GTF3C1: variants seen among roughly 807,000 people sequenced by gnomAD.
GTF3C1 encodes general transcription factor IIIC subunit 1.
In GTF3C1, 57 loss-of-function variants were observed where a neutral mutation model predicts 226.7. The ratio of observed to expected loss-of-function variants is 0.25; its 90% confidence interval spans 0.20 to 0.31. The LOEUF (loss-of-function observed/expected upper bound fraction) is 0.31, where lower values mean the gene tolerates loss of function less well. GTF3C1 is among the 10% of genes least tolerant of loss of function. GTF3C1 has a pLI of 1.00. For missense variants in GTF3C1, 2,217 were observed against 2,776.1 expected (o/e 0.80, Z 4.53); for synonymous variants, 1,090 against 1,084.8 (o/e 1.00, Z -0.09).
At chr16:27,503,124 G>A (rs904252964) in intron 10 of GTF3C1, 129 bp from the exon 11 acceptor site, 2 of 649,830 alleles carry the variant, frequency 3.1e-6, no homozygotes, top group Non-Finnish European at 5.4e-6. Context: ...GGGAAGCCAA[G>A]AAGCCTGTTC....
At position 27,467,845 on chromosome 16, in the gene GTF3C1, G is replaced by A. The variant is rs138444027; in HGVS notation, c.5074+1446C>T. On this transcript the variant is annotated intron_variant, in intron 32 of 36. Coordinates refer to ENST00000356183, the MANE Select transcript of GTF3C1 (RefSeq NM_001520.4). ...AGATCATGCCGCCGCACTCCAGTCC[G>A]GGCGACAAGAGTGAAACTCTGTCTC... Among the ~76,000 whole-genome samples, 683 of 152,220 alleles carry A rather than the reference G, an allele frequency of 4.5e-3. 3 individuals carry two copies. The highest frequency in any genetic ancestry group is 7.6e-3 in the Non-Finnish European group (517 of 68,008).
rs544943437 is a variant in GTF3C1 at position 27,488,481 on chromosome 16, G to A, written c.3512-66C>T. ...CTGCAAAGGCCAGGAAGACCAAACC[G>A]AACATAGGGTAGTCGTTTAGGCCCT... On this transcript the variant is annotated intron_variant, in intron 22 of 36. Coordinates refer to ENST00000356183, the MANE Select transcript of GTF3C1 (RefSeq NM_001520.4). The A allele has an allele frequency of 9.0e-6, 14 of 1,549,788 alleles. No homozygotes were observed. In the East Asian group the frequency reaches 2.0e-4, roughly 22 times the overall value.
chr16:27,495,737 T>G (rs1474722033), intron 14 of GTF3C1, among the ~76,000 whole-genome samples: 4 of 152,134 alleles, frequency 2.6e-5, no homozygotes, highest in African/African-American at 9.7e-5. Flanking sequence ...GGGCTGCAAT[T>G]CTACAAAAGG....
Position 27,470,786 on chromosome 16 carries a change from C to T in GTF3C1, c.4527-391G>A, listed in dbSNP as rs2087855837. The T allele has an allele frequency of 4.7e-6, 1 of 213,648 alleles. No homozygotes were observed. Among genetic ancestry groups the T allele is most frequent in the African/African-American group, 2.3e-5 (1 of 43,646 alleles). 13.2% of individuals were successfully genotyped at this position (213,648 alleles called of 1,614,324 possible). ...GCCAGCCCTGGTCTTACACATGTGCCCAAGCTGTCTCCACGCAGTGCCTGG... is the reference window on the plus strand; with the variant it reads ...GCCAGCCCTGGTCTTACACATGTGCTCAAGCTGTCTCCACGCAGTGCCTGG... On this transcript the variant is annotated intron_variant, in intron 30 of 36. Transcript: ENST00000356183. The surrounding 1 kb of genome is among the most constrained non-coding windows in gnomAD (Gnocchi z 4.9).
At chr16:27,480,976 G>A in intron 27 of GTF3C1, 103 bp downstream of exon 27, 1 of 875,680 alleles carries the variant, frequency 1.1e-6, no homozygotes, top group South Asian at 1.5e-5. Flanking sequence ...ATGCAGCCAG[G>A]CAGGTGCTGT....
Position 27,476,493 on chromosome 16 carries a change from C to T in GTF3C1, c.4311G>A (p.Leu1437=). 6.2e-7 allele frequency: 1 copy of T among 1,613,586 alleles called. No homozygotes were observed. ...LVLQNLIQST[L]ALSDSQMKSY... ...ACTTCATCTGACTGTCTGAGAGGGC[C>T]AGCGTGCTCTGGATCAGGTTCTGAA... Residue 1437 remains leucine (L), a synonymous_variant, in exon 29 of 37, where the codon CTG becomes CTA. Coordinates refer to ENST00000356183, the MANE Select transcript of GTF3C1 (RefSeq NM_001520.4).
intron 29 of GTF3C1, among the ~76,000 whole-genome samples, chr16:27,475,096 G>A (rs950087196): frequency 6.6e-5 from 10 of 152,180 alleles, no homozygotes; most frequent in African/African-American, 4.8e-5. Context: ...TCCCTGCCCC[G>A]CTGTGGCCAA....
Position 27,507,166 on chromosome 16 carries a change from A to G in GTF3C1, c.1243-10T>C. The G allele has an allele frequency of 1.3e-6, 2 of 1,589,192 alleles. No individual in the cohort carries two copies. Among genetic ancestry groups the G allele is most frequent in the Non-Finnish European group, 1.7e-6 (2 of 1,164,006 alleles). On this transcript the variant is annotated splice_polypyrimidine_tract_variant and intron_variant, in intron 8 of 36. Coordinates refer to ENST00000356183, the MANE Select transcript of GTF3C1 (RefSeq NM_001520.4). This position sits in a 1 kb window ranked among gnomAD's most constrained non-coding sequence, Gnocchi z 4.9. ...CGTCTTCCATGAATCCCTAGAGGGA[A>G]TAAGATGTGTTTATCCCACTGCAAA...
chr16:27,505,780 C>G (rs755475118), intron 10 of GTF3C1, 119 bp downstream of exon 10: 1 of 675,920 alleles, frequency 1.5e-6, no homozygotes, highest in Non-Finnish European at 2.6e-6. Context: ...AGGCAGGCCT[C>G]GGCACGCAGC....
chr16:27,519,844 C>T (rs1246174553), intron 6 of GTF3C1, among the ~76,000 whole-genome samples: 8 of 152,170 alleles, frequency 5.3e-5, no homozygotes, highest in South Asian at 2.1e-4. Flanking sequence ...TAGAGGCTCA[C>T]GCCCATAATC....
At position 27,470,985 on chromosome 16, in the gene GTF3C1, G is replaced by T. The variant is rs370505551; in HGVS notation, c.4527-590C>A. On this transcript the variant is annotated intron_variant, in intron 30 of 36. Transcript: ENST00000356183. The surrounding 1 kb of genome is among the most constrained non-coding windows in gnomAD (Gnocchi z 4.9). Reference sequence around the variant, plus strand: ...AAATGGCCTTGTTGGATTTGGGCACGTATCTTCTGCTGCCACACCTACTTC... The same window carrying T: ...AAATGGCCTTGTTGGATTTGGGCACTTATCTTCTGCTGCCACACCTACTTC... 2.9e-4 allele frequency among the ~76,000 whole-genome samples: 44 copies of T among 152,222 alleles called. No individual in the cohort carries two copies. The highest frequency in any genetic ancestry group is 1.0e-3 in the African/African-American group (42 of 41,454).
chr16:27,494,519 T>C (rs2088284882), intron 16 of GTF3C1, among the ~76,000 whole-genome samples: 1 of 152,100 alleles, frequency 6.6e-6, no homozygotes, highest in Admixed American at 6.6e-5. Flanking sequence ...CTTTAAAGTA[T>C]TTACCCGCCA....
chr16:27,461,687 G>T lies in GTF3C1; in HGVS notation c.6118-125C>A, dbSNP rs1476485333. ...CCACTTCCCAGAGCAGGGGGCACCT[G>T]AACTGGGCATGAGGCAGATGGGGAT... On this transcript the variant is annotated intron_variant, in intron 36 of 36. Coordinates refer to ENST00000356183, the MANE Select transcript of GTF3C1 (RefSeq NM_001520.4). This position sits in a 1 kb window ranked among gnomAD's most constrained non-coding sequence, Gnocchi z 5.3. 2.8e-6 allele frequency: 2 copies of T among 706,140 alleles called. No individual in the cohort carries two copies. The highest frequency in any genetic ancestry group is 5.4e-5 in the East Asian group (2 of 37,180). The allele number at this position is 706,140 out of a possible 1,614,324, so 43.7% of individuals were successfully genotyped here. A position where few individuals can be genotyped will look rare whatever the true frequency, so the allele number is the denominator to read the frequency against.
At chr16:27,519,949 A>G (rs139992589) in intron 6 of GTF3C1, among the ~76,000 whole-genome samples, 1 of 152,272 alleles carries the variant, frequency 6.6e-6, no homozygotes, top group Non-Finnish European at 1.5e-5. Context: ...CTACAAAAAA[A>G]ACAATTTTTT....
rs774060509 is a variant in GTF3C1 at position 27,489,707 on chromosome 16, C to T, written c.3188G>A (p.Ser1063Asn). The T allele has an allele frequency of 6.2e-7, 1 of 1,612,186 alleles. No individual in the cohort carries two copies. ...CTCCTCGTCGCTGCCCTGGTCTGTG[C>T]TGCTGTTCTTCCTGACGCGCGGGCA... is the stretch of plus-strand genomic sequence containing the variant. ...VRCPRVRKNSSTDQGSDEEGS... is the reference protein window; with the variant it reads ...VRCPRVRKNSNTDQGSDEEGS... Residue 1063 changes from serine (S) to asparagine (N), a missense_variant, in exon 20 of 37, where the codon AGC becomes AAC. By Grantham distance (46) the Ser-to-Asn change is conservative. Around this residue, in one of 12 missense-constraint regions of GTF3C1, gnomAD observed 353 missense variants for 411.7 expected, o/e 0.86. Coordinates refer to ENST00000356183, the MANE Select transcript of GTF3C1 (RefSeq NM_001520.4).
At position 27,461,688 on chromosome 16, in the gene GTF3C1, A is replaced by G; in HGVS notation, c.6118-126T>C. 1.4e-6 allele frequency: 1 copy of G among 701,818 alleles called. No homozygotes were observed. The highest frequency in any genetic ancestry group is 1.7e-5 in the South Asian group (1 of 58,768). 43.5% of individuals were successfully genotyped at this position (701,818 alleles called of 1,614,324 possible). ...CACTTCCCAGAGCAGGGGGCACCTGAACTGGGCATGAGGCAGATGGGGATG... is the reference window on the plus strand; with the variant it reads ...CACTTCCCAGAGCAGGGGGCACCTGGACTGGGCATGAGGCAGATGGGGATG... On this transcript the variant is annotated intron_variant, in intron 36 of 36. Coordinates refer to ENST00000356183, the MANE Select transcript of GTF3C1 (RefSeq NM_001520.4). The surrounding 1 kb of genome is among the most constrained non-coding windows in gnomAD (Gnocchi z 5.3).
chr16:27,488,606 T>C lies in GTF3C1; in HGVS notation c.3459A>G (p.Thr1153=). The change falls in exon 22 of 37, where the codon ACA becomes ACG. Residue 1153 remains threonine, a synonymous_variant. Transcript: ENST00000356183. ...TGGACAGAAATGTCTGGAGCCTCAC[T>C]GTGAGTCCATTCTCTGCGGCAGTGT... ...KENTAAENGL[T]VRLQTFLSKR... 1 of 1,613,688 alleles carries C rather than the reference T, an allele frequency of 6.2e-7. No homozygotes were observed. Among genetic ancestry groups the C allele is most frequent in the Non-Finnish European group, 8.5e-7 (1 of 1,179,902 alleles).
Position 27,464,469 on chromosome 16 carries a change from TG to T in GTF3C1, c.5722del (p.Gln1908ArgfsTer36). 1 of 1,579,170 alleles carries T rather than the reference TG, an allele frequency of 6.3e-7. No homozygotes were observed. Among genetic ancestry groups the T allele is most frequent in the Non-Finnish European group, 8.6e-7 (1 of 1,165,188 alleles). ...AAGAGCTGGGGGTGGAGATGGGGCCTGGGCTTCTGCCCCATCTTCAGCTCCG... is the reference window on the plus strand; with the variant it reads ...AAGAGCTGGGGGTGGAGATGGGGCCTGGCTTCTGCCCCATCTTCAGCTCCG... ...GPGAEDGAEA[Q>X]APSPPPALED... is the part of the protein sequence containing the mutation. On this transcript the variant is annotated frameshift_variant, in exon 34 of 37. Coordinates refer to ENST00000356183, the MANE Select transcript of GTF3C1 (RefSeq NM_001520.4). LOFTEE classifies it high-confidence loss of function.
In GTF3C1 at chr16:27,492,214, C is replaced by G; in HGVS notation, c.3151+124G>C. ...GGAGCCCCAGGGGTGCTCTGGGCCT[C>G]TGGGGAGCACTCGGAACATACCACT... is the stretch of plus-strand genomic sequence containing the variant. On this transcript the variant is annotated intron_variant, in intron 19 of 36. Coordinates refer to ENST00000356183, the MANE Select transcript of GTF3C1 (RefSeq NM_001520.4). The surrounding 1 kb of genome is among the most constrained non-coding windows in gnomAD (Gnocchi z 5.0). 1 of 650,810 alleles carries G rather than the reference C, an allele frequency of 1.5e-6. No homozygotes were observed. The highest frequency in any genetic ancestry group is 2.7e-5 in the Admixed American group (1 of 36,396). 40.3% of individuals were successfully genotyped at this position (650,810 alleles called of 1,614,324 possible).
Sources: allele counts gnomAD v4.1 joint callset (sites outside exome capture counted in the v4.1 genomes callset), GRCh38; gene constraint gnomAD v4.1.1; regional missense constraint gnomAD v4.1.1; non-coding constraint Gnocchi (gnomAD v3.1); transcripts MANE v1.5; gene names NCBI Gene and HGNC (gene_info 2026-07-23, HGNC 2026-07-21).